Variants in LPP observed in about 807,000 individuals in gnomAD.
LPP encodes lipoma-preferred partner.
LPP carries 38 observed loss-of-function variants against 60.4 expected under a neutral mutation model. The ratio of observed to expected loss-of-function variants is 0.63; its 90% CI spans 0.49 to 0.83. The LOEUF (loss-of-function observed/expected upper bound fraction) is 0.83, where lower values mean the gene tolerates loss of function less well. Ranked by LOEUF, LPP falls within the 40% of genes least tolerant of loss-of-function variation. The probability of loss-of-function intolerance (pLI) is 0.00; values close to 1 mark genes in which losing one functional copy is unlikely to be tolerated. For synonymous variants in LPP, 328 were observed against 290.8 expected (o/e 1.13, Z -1.30); for missense variants, 902 against 783.6 (o/e 1.15, Z -1.80).
chr3:188,679,556 TGTGTGTGC>T (rs771579694), intron 7 of LPP, among the ~76,000 whole-genome samples: 6,477 of 114,188 alleles, frequency 0.057, 209 homozygotes, highest in Non-Finnish European at 0.082. Flanking sequence ...TGTGTGTGTG[TGTGTGTGC>T]GCGCGCGCAT....
chr3:188,449,475 C>G (rs1796095056), intron 4 of LPP, among the ~76,000 whole-genome samples: 1 of 152,134 alleles, frequency 6.6e-6, no homozygotes, highest in Non-Finnish European at 1.5e-5. Flanking sequence ...ATGCTAGGCT[C>G]TCTTTCAAGT....
At chr3:188,332,261 T>C (rs1472953769) in intron 2 of LPP, among the ~76,000 whole-genome samples, 1 of 152,236 alleles carries the variant, frequency 6.6e-6, no homozygotes, top group Non-Finnish European at 1.5e-5. Context: ...TTAGCCTCTG[T>C]TAATCTTCCT....
Position 188,810,197 on chromosome 3 carries a change from G to GT in LPP, c.1410+49925dup, listed in dbSNP as rs893500206. Reference sequence around the variant, plus strand: ...CTCTTGCAACTGGTTAATAACTGTAGTTTTTTTTTTCTGTTACCAATAGTA... The same window carrying GT: ...CTCTTGCAACTGGTTAATAACTGTAGTTTTTTTTTTTCTGTTACCAATAGTA... On this transcript the variant is annotated intron_variant, in intron 9 of 11. Transcript: ENST00000617246. 3.0e-3 allele frequency among the ~76,000 whole-genome samples: 447 copies of GT among 149,570 alleles called. 4 individuals carry two copies. The highest frequency in any genetic ancestry group is 2.4e-3 in the Non-Finnish European group (160 of 67,090).
chr3:188,370,091 C>T (rs1351938253), intron 3 of LPP, among the ~76,000 whole-genome samples: 2 of 152,126 alleles, frequency 1.3e-5, no homozygotes, highest in Non-Finnish European at 2.9e-5. Context: ...CCACACCCAG[C>T]TAATTTTTGT....
intron 7 of LPP, among the ~76,000 whole-genome samples, chr3:188,704,852 C>A (rs1460816387): frequency 6.6e-6 from 1 of 151,830 alleles, no homozygotes; most frequent in Non-Finnish European, 1.5e-5. Context: ...GCCTGGAGCC[C>A]CTAGCTCACC....
intron 8 of LPP, among the ~76,000 whole-genome samples, chr3:188,739,131 T>C (rs572060463): frequency 1.3e-5 from 2 of 152,082 alleles, no homozygotes; most frequent in Non-Finnish European, 2.9e-5. Flanking sequence ...ATTTCTGTAA[T>C]AATTTGAAGA....
chr3:188,458,944 C>CT (rs940574328), intron 4 of LPP, among the ~76,000 whole-genome samples: 5 of 151,058 alleles, frequency 3.3e-5, no homozygotes, highest in African/African-American at 9.7e-5. Context: ...GGTTTAAACT[C>CT]TATGTGGCTT....
At chr3:188,430,652 A>G (rs1790661997) in intron 4 of LPP, among the ~76,000 whole-genome samples, 3 of 152,182 alleles carry the variant, frequency 2.0e-5, no homozygotes, top group Admixed American at 1.3e-4. Context: ...AGATGACTGA[A>G]CATCCTTAGA....
chr3:188,825,525 G>A (rs76096484), intron 9 of LPP, among the ~76,000 whole-genome samples: 3,537 of 152,118 alleles, frequency 0.023, 126 homozygotes, highest in African/African-American at 0.08. Context: ...TGTATCTGAA[G>A]TGTGAATCTA....
intron 9 of LPP, among the ~76,000 whole-genome samples, chr3:188,803,030 C>T (rs762277143): frequency 7.7e-5 from 11 of 142,072 alleles, no homozygotes; most frequent in Non-Finnish European, 1.5e-4. Flanking sequence ...GATTAAAATA[C>T]TTTTGTTGTA....
chr3:188,638,007 C>A (rs1186748467), intron 7 of LPP, among the ~76,000 whole-genome samples: 38 of 150,586 alleles, frequency 2.5e-4, no homozygotes, highest in African/African-American at 8.8e-4. Context: ...CTCCCTAACT[C>A]ATTTTATGAG....
intron 9 of LPP, among the ~76,000 whole-genome samples, chr3:188,822,754 A>G (rs1754336550): frequency 6.6e-6 from 1 of 152,180 alleles, no homozygotes; most frequent in African/African-American, 2.4e-5. Context: ...TGAATGGAAG[A>G]AGCAGGCACA....
chr3:188,646,671 C>A (rs1314725689), intron 7 of LPP, among the ~76,000 whole-genome samples: 1 of 152,148 alleles, frequency 6.6e-6, no homozygotes, highest in Non-Finnish European at 1.5e-5. Context: ...CTCCTATATG[C>A]CACAGAATTA....
intron 9 of LPP, among the ~76,000 whole-genome samples, chr3:188,809,219 A>C (rs1750116877): frequency 6.6e-6 from 1 of 152,230 alleles, no homozygotes; most frequent in Admixed American, 6.5e-5. Context: ...TTATTGGATC[A>C]AATGGTATTT....
chr3:188,515,735 G>C (rs1012564623), intron 5 of LPP, among the ~76,000 whole-genome samples: 3 of 152,154 alleles, frequency 2.0e-5, no homozygotes, highest in Admixed American at 2.0e-4. Flanking sequence ...AATAAGACTT[G>C]AGTTTAGGCC....
intron 7 of LPP, among the ~76,000 whole-genome samples, chr3:188,669,361 A>G (rs535689439): frequency 6.9e-4 from 105 of 152,140 alleles, no homozygotes; most frequent in African/African-American, 2.1e-3. Context: ...CGGATCACGA[A>G]GTCAGGAGAT....
chr3:188,391,737 C>G (rs7610530), intron 3 of LPP, among the ~76,000 whole-genome samples: 1,530 of 151,986 alleles, frequency 0.01, 29 homozygotes, highest in African/African-American at 0.035. Context: ...AAACAGAGAT[C>G]AAAAGCCATA....
At chr3:188,158,960 C>A (rs1717345519) in intron 1 of LPP, among the ~76,000 whole-genome samples, 1 of 152,202 alleles carries the variant, frequency 6.6e-6, no homozygotes, top group African/African-American at 2.4e-5. Context: ...GCTGTTCTAG[C>A]CCCTTTTTCT....
chr3:188,347,299 A>G (rs1764658602), intron 3 of LPP, among the ~76,000 whole-genome samples: 1 of 152,230 alleles, frequency 6.6e-6, no homozygotes, highest in Admixed American at 6.5e-5. Flanking sequence ...TTAGGAAGGG[A>G]CAAGATCATA....
Sources: gnomAD v4.1 joint callset for allele counts (sites outside exome capture counted in the v4.1 genomes callset) on GRCh38, gnomAD v4.1.1 for gene constraint, MANE v1.5 for transcripts, NCBI Gene and HGNC (gene_info 2026-07-23, HGNC 2026-07-21) for gene names.